The following CDH18 variants were observed in gnomAD, a reference collection of about 807,000 sequenced individuals.
CDH18 encodes the protein cadherin-18.
A neutral mutation model predicts 67.9 loss-of-function variants in CDH18; 31 were observed. The ratio of observed to expected loss-of-function variants is 0.46; its 90% CI spans 0.34 to 0.62. CDH18 has a LOEUF of 0.62. Among genes scored for constraint, CDH18 ranks in the 20% least tolerant of loss-of-function variants. The pLI is 0.01. For missense variants in CDH18, 890 were observed against 975.5 expected, an observed-to-expected ratio of 0.91 and a Z score of 1.17; for synonymous variants, 362 against 347.2, an observed-to-expected ratio of 1.04 and a Z score of -0.48.
chr5:20,320,578 ACAGT>A (rs747012915), intron 1 of CDH18, among the ~76,000 whole-genome samples: 1 of 152,172 alleles, frequency 6.6e-6, no homozygotes, highest in Non-Finnish European at 1.5e-5. Flanking sequence ...AATGAGGTAA[ACAGT>A]CAGTCAGCTT....
chr5:20,242,892 A>C (rs2126558765), intron 2 of CDH18, among the ~76,000 whole-genome samples: 1 of 151,872 alleles, frequency 6.6e-6, no homozygotes, highest in African/African-American at 2.4e-5. Flanking sequence ...ATTTTTAGTA[A>C]ATTCTTCATT....
intron 2 of CDH18, among the ~76,000 whole-genome samples, chr5:20,192,729 C>T (rs188937316): frequency 2.7e-4 from 41 of 152,048 alleles, no homozygotes; most frequent in Admixed American, 1.4e-3. Context: ...TTGGTACCAG[C>T]ACCATGCTCT....
chr5:20,019,799 G>A (rs762686039), intron 2 of CDH18, among the ~76,000 whole-genome samples: 13 of 152,204 alleles, frequency 8.5e-5, no homozygotes, highest in Non-Finnish European at 1.6e-4. Context: ...ATAGATATCT[G>A]AAAATGTAGA....
chr5:20,029,040 A>G (rs1161156023), intron 2 of CDH18, among the ~76,000 whole-genome samples: 1 of 151,934 alleles, frequency 6.6e-6, no homozygotes, highest in Non-Finnish European at 1.5e-5. Context: ...TTTTGGATCC[A>G]AGGATCCAAA....
chr5:20,336,433 C>T (rs1020104503), intron 1 of CDH18, among the ~76,000 whole-genome samples: 3 of 151,980 alleles, frequency 2.0e-5, no homozygotes, highest in East Asian at 1.9e-4. Flanking sequence ...TTAAGAACTT[C>T]GCCTTATGGC....
intron 1 of CDH18, among the ~76,000 whole-genome samples, chr5:20,464,486 G>T (rs1282214240): frequency 6.6e-6 from 1 of 151,954 alleles, no homozygotes; most frequent in Non-Finnish European, 1.5e-5. Context: ...TATCTTTACA[G>T]GTGATTATCA....
At chr5:19,888,739 T>C (rs1013887385) in intron 2 of CDH18, among the ~76,000 whole-genome samples, 1 of 152,146 alleles carries the variant, frequency 6.6e-6, no homozygotes, top group African/African-American at 2.4e-5. Flanking sequence ...GATGTTACAC[T>C]CATATTTCAT....
intron 1 of CDH18, among the ~76,000 whole-genome samples, chr5:20,422,043 T>A (rs1747905600): frequency 6.6e-6 from 1 of 151,032 alleles, no homozygotes; most frequent in African/African-American, 2.5e-5. Flanking sequence ...TAATGACACA[T>A]CAGACTAATA....
chr5:19,557,125 T>C (rs746236175), intron 8 of CDH18, among the ~76,000 whole-genome samples: 33 of 152,080 alleles, frequency 2.2e-4, no homozygotes, highest in Non-Finnish European at 4.1e-4. Context: ...CTACAAGAAC[T>C]GCTAAAAGGA....
At chr5:20,358,011 C>A (rs1741774600) in intron 1 of CDH18, among the ~76,000 whole-genome samples, 1 of 152,122 alleles carries the variant, frequency 6.6e-6, no homozygotes, top group South Asian at 2.1e-4. Context: ...ATGGATGCAG[C>A]TGGAGGCCAT....
intron 3 of CDH18, among the ~76,000 whole-genome samples, chr5:19,827,467 T>A (rs1037940947): frequency 6.6e-6 from 1 of 151,938 alleles, no homozygotes; most frequent in African/African-American, 2.4e-5. Context: ...ACATAAACTG[T>A]AAAATCACCC....
intron 2 of CDH18, among the ~76,000 whole-genome samples, chr5:19,950,729 C>G (rs1437779328): frequency 6.6e-6 from 1 of 151,860 alleles, no homozygotes; most frequent in Non-Finnish European, 1.5e-5. Flanking sequence ...AAATTGAGAA[C>G]CTAACCACAA....
chr5:20,107,848 T>C (rs1353707539), intron 2 of CDH18, among the ~76,000 whole-genome samples: 1 of 152,002 alleles, frequency 6.6e-6, no homozygotes, highest in African/African-American at 2.4e-5. Context: ...ATGTGCCATG[T>C]TGGTGTACTG....
At chr5:20,076,808 T>C (rs912761181) in intron 2 of CDH18, among the ~76,000 whole-genome samples, 2 of 152,196 alleles carry the variant, frequency 1.3e-5, no homozygotes, top group Admixed American at 6.5e-5. Flanking sequence ...GTACTAAGGC[T>C]TTATCAACCT....
chr5:19,635,928 A>C, intron 5 of CDH18, among the ~76,000 whole-genome samples: 1 of 152,140 alleles, frequency 6.6e-6, no homozygotes, highest in East Asian at 1.9e-4. Context: ...TTCAACATGT[A>C]TATTTATTAT....
At chr5:20,012,751 T>C (rs746766362) in intron 2 of CDH18, among the ~76,000 whole-genome samples, 1 of 152,014 alleles carries the variant, frequency 6.6e-6, no homozygotes, top group African/African-American at 2.4e-5. Flanking sequence ...ATGTCCTTTG[T>C]AGGGACATGC....
intron 1 of CDH18, among the ~76,000 whole-genome samples, chr5:20,514,266 G>T (rs1455685477): frequency 6.6e-6 from 1 of 151,444 alleles, no homozygotes; most frequent in Non-Finnish European, 1.5e-5. Flanking sequence ...TTTTTAATTG[G>T]TGTCTGACAT....
chr5:20,425,218 T>A (rs1241728030), intron 1 of CDH18, among the ~76,000 whole-genome samples: 1 of 150,498 alleles, frequency 6.6e-6, no homozygotes, highest in Non-Finnish European at 1.5e-5. Context: ...ATACAAAAAA[T>A]TAGCTGGGTG....
At chr5:20,080,066 G>A (rs913287133) in intron 2 of CDH18, among the ~76,000 whole-genome samples, 1 of 151,908 alleles carries the variant, frequency 6.6e-6, no homozygotes, top group Non-Finnish European at 1.5e-5. Context: ...AATTTTGGGG[G>A]AACGCAAATA....
Sources: gnomAD v4.1 joint callset for allele counts (sites outside exome capture counted in the v4.1 genomes callset) on GRCh38, gnomAD v4.1.1 for gene constraint, MANE v1.5 for transcripts, NCBI Gene and HGNC (gene_info 2026-07-23, HGNC 2026-07-21) for gene names.